Variants in COBLL1 observed in about 807,000 individuals in gnomAD.
The protein encoded by COBLL1 is cordon-bleu WH2 repeat protein like 1.
In COBLL1, 50 loss-of-function variants were observed where a neutral mutation model predicts 94.8. The ratio of observed to expected loss-of-function variants is 0.53; its 90% CI spans 0.42 to 0.67. The LOEUF is 0.67. Ranked by LOEUF, COBLL1 falls within the 30% of genes least tolerant of loss-of-function variation. The pLI is 0.00. For missense variants in COBLL1, 1,362 were observed against 1,348.7 expected, an observed-to-expected ratio of 1.01 and a Z score of -0.15; for synonymous variants, 448 against 473.8, an observed-to-expected ratio of 0.95 and a Z score of 0.71.
At chr2:164,710,041 T>A (rs1369156522) in intron 7 of COBLL1, among the ~76,000 whole-genome samples, 1 of 152,186 alleles carries the variant, frequency 6.6e-6, no homozygotes, top group Non-Finnish European at 1.5e-5. Flanking sequence ...AATATATATA[T>A]TTTTTGTTGT....
chr2:164,842,052 A>T, upstream of COBLL1: 1 of 1,509,644 alleles, frequency 6.6e-7, no homozygotes, highest in Non-Finnish European at 8.9e-7. Flanking sequence ...CATTGGAGCG[A>T]GGGAAGCAGC....
chr2:164,675,974 C>T (rs901432408), downstream of COBLL1, among the ~76,000 whole-genome samples: 2 of 152,076 alleles, frequency 1.3e-5, no homozygotes, highest in African/African-American at 4.8e-5. Flanking sequence ...AACTATACTG[C>T]AGTTGAAGGA....
intron 11 of COBLL1, chr2:164,696,111 G>T (rs1264856434): frequency 1.3e-5 from 4 of 300,844 alleles, no homozygotes; most frequent in Non-Finnish European, 2.4e-5. Flanking sequence ...ATAAAAAGGT[G>T]AAAATATTTA....
At chr2:164,689,324 G>T (rs1469439723) in intron 13 of COBLL1, among the ~76,000 whole-genome samples, 3 of 152,076 alleles carry the variant, frequency 2.0e-5, no homozygotes, top group Admixed American at 2.0e-4. Flanking sequence ...ACATTTGGGT[G>T]CCAAGATATA....
chr2:164,714,882 A>C (rs1055895304), intron 7 of COBLL1, among the ~76,000 whole-genome samples: 2 of 152,192 alleles, frequency 1.3e-5, no homozygotes, highest in East Asian at 1.9e-4. Context: ...GACTTTTTAC[A>C]TACTAATAGA....
rs892668571 is a variant in COBLL1 at position 164,841,665 on chromosome 2, G to C, written c.-51+45C>G. 2.7e-6 allele frequency: 1 copy of C among 369,514 alleles called. No homozygotes were observed. The highest frequency in any genetic ancestry group is 4.8e-6 in the Non-Finnish European group (1 of 208,856). 22.9% of individuals were successfully genotyped at this position (369,514 alleles called of 1,614,324 possible). ...GCCCTAGGAAAACTTTTCCCGAAGA[G>C]AAGTTGGGAGGGCTGATCTCTCTTT... On this transcript the variant is annotated intron_variant, in intron 1 of 13. Transcript: ENST00000652658. The surrounding 1 kb of genome is among the most constrained non-coding windows in gnomAD (Gnocchi z 5.5).
At chr2:164,790,183 G>A (rs1196628670) in intron 2 of COBLL1, among the ~76,000 whole-genome samples, 2 of 152,092 alleles carry the variant, frequency 1.3e-5, no homozygotes, top group African/African-American at 4.8e-5. Flanking sequence ...AATGGCTGGC[G>A]CCCTCTCCCT....
intron 2 of COBLL1, among the ~76,000 whole-genome samples, chr2:164,798,073 T>A (rs745751358): frequency 2.2e-4 from 33 of 152,264 alleles, no homozygotes; most frequent in East Asian, 9.7e-4. Flanking sequence ...GGCCAACAAA[T>A]GTAAAAGAAA....
chr2:164,686,181 G>T (rs1264056982), intron 13 of COBLL1, 149 bp from the exon 14 acceptor site: 4 of 494,282 alleles, frequency 8.1e-6, no homozygotes, highest in Non-Finnish European at 1.4e-5. Context: ...AAGAATAAAT[G>T]TTCATTCTAC....
intron 3 of COBLL1, among the ~76,000 whole-genome samples, chr2:164,741,729 A>G (rs1686607305): frequency 6.6e-6 from 1 of 152,086 alleles, no homozygotes; most frequent in Non-Finnish European, 1.5e-5. Flanking sequence ...GGGGGCAAAC[A>G]TGCTGGAGGG....
rs1685471280 is a variant in COBLL1, at chr2:164,722,069, A to G, written c.996+6T>C. On this transcript the variant is annotated splice_donor_region_variant and intron_variant, in intron 7 of 13. Coordinates refer to ENST00000652658, the MANE Select transcript of COBLL1 (RefSeq NM_001365672.2). The stretch of plus-strand genomic sequence containing the variant: ...AAAAAACAAAATAGAAAACAAAACT[A>G]CACACCTTATCTGTCTCATCCACGC... The G allele has an allele frequency of 1.9e-6, 3 of 1,562,978 alleles. No homozygotes were observed. In the African/African-American group the frequency reaches 4.1e-5, roughly 22 times the overall value.
chr2:164,687,114 G>A (rs1683335511), intron 13 of COBLL1, among the ~76,000 whole-genome samples: 1 of 152,112 alleles, frequency 6.6e-6, no homozygotes, highest in South Asian at 2.1e-4. Flanking sequence ...AAGAAGAGTT[G>A]CCACCAGCAG....
At chr2:164,787,107 A>G (rs1559015679) in intron 2 of COBLL1, among the ~76,000 whole-genome samples, 1 of 152,120 alleles carries the variant, frequency 6.6e-6, no homozygotes, top group Non-Finnish European at 1.5e-5. Flanking sequence ...TGCCTTCCAC[A>G]AACACTAAGG....
intron 7 of COBLL1, chr2:164,705,354 A>C (rs1684532646): frequency 3.1e-6 from 1 of 321,272 alleles, no homozygotes; most frequent in Non-Finnish European, 5.6e-6. Flanking sequence ...CAAACAACTA[A>C]CTGTAATGTA....
chr2:164,841,897 G>C, upstream of COBLL1: 2 of 1,323,158 alleles, frequency 1.5e-6, no homozygotes, highest in Non-Finnish European at 1.0e-6. The surrounding 1 kb of genome is among the most constrained non-coding windows in gnomAD (Gnocchi z 5.5). Flanking sequence ...TGTCCCGCGG[G>C]CGGGGTGCGG....
chr2:164,713,638 C>T (rs1024473048), intron 7 of COBLL1, among the ~76,000 whole-genome samples: 2 of 152,108 alleles, frequency 1.3e-5, no homozygotes, highest in African/African-American at 4.8e-5. Context: ...AACATGGTTA[C>T]CATGGTTAAC....
At chr2:164,777,019 A>T (rs1012133349) in intron 2 of COBLL1, among the ~76,000 whole-genome samples, 2 of 152,142 alleles carry the variant, frequency 1.3e-5, no homozygotes, top group Non-Finnish European at 2.9e-5. Context: ...CATCTTATAT[A>T]ACAATGTACC....
intron 2 of COBLL1, chr2:164,773,710 T>A: frequency 7.9e-7 from 1 of 1,264,334 alleles, no homozygotes; most frequent in Non-Finnish European, 1.0e-6. Flanking sequence ...TACTTACAAC[T>A]GTTCCAGAAA....
intron 2 of COBLL1, among the ~76,000 whole-genome samples, chr2:164,767,534 A>T (rs1687993209): frequency 6.6e-6 from 1 of 152,290 alleles, no homozygotes; most frequent in Admixed American, 6.5e-5. Flanking sequence ...TATTTTTTAA[A>T]TGTACCCACT....
Sources: gnomAD v4.1 joint callset for allele counts (sites outside exome capture counted in the v4.1 genomes callset) on GRCh38, gnomAD v4.1.1 for gene constraint, Gnocchi (gnomAD v3.1) non-coding constraint, MANE v1.5 for transcripts, NCBI Gene and HGNC (gene_info 2026-07-23, HGNC 2026-07-21) for gene names.